MVP: variants seen among roughly 807,000 people sequenced by gnomAD.
MVP encodes the protein major vault protein.
In MVP, 62 loss-of-function variants were observed where a neutral mutation model predicts 83.5. That is an observed-to-expected ratio of 0.74 (90% CI 0.61 to 0.92). MVP has a LOEUF of 0.92. MVP is among the 40% of genes least tolerant of loss of function. The probability of loss-of-function intolerance (pLI) is 0.00; values close to 1 mark genes in which losing one functional copy is unlikely to be tolerated. For synonymous variants in MVP, 505 were observed against 504.1 expected (o/e 1.00, Z -0.02); for missense variants, 1,000 against 1,203.4 (o/e 0.83, Z 2.50).
In MVP at chr16:29,830,965, C is replaced by T; in HGVS notation, c.213C>T (p.Gly71=). ...VANPVSRDAQ[G]LVLFDVTGQV... is the part of the protein sequence containing the mutation. ...ACCCTGTGTCTCGGGATGCCCAGGG[C>T]TTGGTGCTGTTTGATGTCACAGGGC... is the stretch of plus-strand genomic sequence containing the variant. Residue 71 remains glycine (G), a synonymous_variant, in exon 3 of 15, where the codon GGC becomes GGT. Coordinates refer to ENST00000357402, the MANE Select transcript of MVP (RefSeq NM_005115.5). 1 of 1,614,076 alleles carries T rather than the reference C, an allele frequency of 6.2e-7. No individual in the cohort carries two copies. The highest frequency in any genetic ancestry group is 8.5e-7 in the Non-Finnish European group (1 of 1,180,002).
chr16:29,843,562 G>GGGAGGAAGGA (rs2067554261), intron 10 of MVP, among the ~76,000 whole-genome samples: 1 of 49,932 alleles, frequency 2.0e-5, no homozygotes, highest in African/African-American at 1.0e-4. Context: ...GGGAGGGAGG[G>GGGAGGAAGGA]AGGGAGGGAG....
Position 29,846,205 on chromosome 16 carries a change from G to T in MVP, c.2186G>T (p.Arg729Leu). 1 of 1,602,208 alleles carries T rather than the reference G, an allele frequency of 6.2e-7. No homozygotes were observed. Among genetic ancestry groups the T allele is most frequent in the Non-Finnish European group, 8.5e-7 (1 of 1,174,192 alleles). ...TGTAKAEAES[R>L]AEAARIEGEG... is the part of the protein sequence containing the mutation. ...ACTGCCAAGGCGGAGGCCGAGTCCC[G>T]TGCGGAGGCAGCCCGGATTGAGGGA... Residue 729 changes from arginine (R) to leucine (L), a missense_variant, in exon 13 of 15, where the codon CGT (arginine) becomes CTT (leucine). Physicochemically the swap from Arg to Leu is moderately radical, Grantham distance 102. Coordinates refer to ENST00000357402, the MANE Select transcript of MVP (RefSeq NM_005115.5).
chr16:29,838,010 C>T (rs1246347298), intron 7 of MVP, among the ~76,000 whole-genome samples: 1 of 152,106 alleles, frequency 6.6e-6, no homozygotes, highest in East Asian at 1.9e-4. Context: ...CTCCAGGCTC[C>T]GTGAGTCATT....
chr16:29,842,616 A>C (rs2067544560), intron 10 of MVP, among the ~76,000 whole-genome samples: 1 of 152,066 alleles, frequency 6.6e-6, no homozygotes, highest in Non-Finnish European at 1.5e-5. Context: ...ACCCTGTTTC[A>C]AAACAAAAAA....
intron 1 of MVP, among the ~76,000 whole-genome samples, chr16:29,824,425 C>T (rs2067391270): frequency 6.6e-6 from 1 of 152,180 alleles, no homozygotes; most frequent in Middle Eastern, 3.4e-3. Context: ...ACTCTACTCA[C>T]TGCAGACCCC....
intron 3 of MVP, among the ~76,000 whole-genome samples, chr16:29,832,671 G>A (rs910500876): frequency 6.8e-6 from 1 of 146,512 alleles, no homozygotes; most frequent in African/African-American, 2.5e-5. Context: ...ATAGCTCACT[G>A]CAGCCTCAAC....
chr16:29,839,847 A>G (rs2067519151), intron 7 of MVP, among the ~76,000 whole-genome samples: 1 of 151,358 alleles, frequency 6.6e-6, no homozygotes, highest in Admixed American at 6.6e-5. Flanking sequence ...AGAGTTTGTC[A>G]AGCCCTAGGT....
chr16:29,821,077 C>T (rs1364939812), intron 1 of MVP: 1 of 152,210 alleles, frequency 6.6e-6, no homozygotes, highest in Non-Finnish European at 1.5e-5. Flanking sequence ...ATTTAGTGAC[C>T]AAGGTTCTTT....
At position 29,844,551 on chromosome 16, in the gene MVP, C is replaced by G; in HGVS notation, c.1693C>G (p.Pro565Ala). Residue 565 changes from proline to alanine, a missense_variant, in exon 11 of 15, where the codon CCA (proline) becomes GCA (alanine). By Grantham distance (27) the Pro-to-Ala change is conservative (BLOSUM62 -1). Transcript: ENST00000357402. Reference sequence around the variant, plus strand: ...AGAGACGGCCAAGCTCTTTTCAGTGCCAGACTTTGTAGGTGATGCCTGCAA... The same window carrying G: ...AGAGACGGCCAAGCTCTTTTCAGTGGCAGACTTTGTAGGTGATGCCTGCAA... Reference protein sequence around the residue: ...PQETAKLFSVPDFVGDACKAI... With the variant: ...PQETAKLFSVADFVGDACKAI... The G allele has an allele frequency of 6.3e-7, 1 of 1,595,212 alleles. No homozygotes were observed. Among genetic ancestry groups the G allele is most frequent in the South Asian group, 1.1e-5 (1 of 88,098 alleles).
rs1276680874 is a variant in MVP, at chr16:29,833,861, G to A, written c.445+5G>A. The A allele has an allele frequency of 5.5e-5, 88 of 1,613,984 alleles. No individual in the cohort carries two copies. The highest frequency in any genetic ancestry group is 7.5e-5 in the Non-Finnish European group (88 of 1,180,018). On this transcript the variant is annotated splice_donor_5th_base_variant and intron_variant, in intron 4 of 14. Transcript: ENST00000357402. ...AGTGGCTTTTCGAGGGACCTGGTAA[G>A]TTCTGTCTCCATAGGGCTCCCTGCC...
At chr16:29,823,982 TTATCC>T (rs1414510547) in intron 1 of MVP, among the ~76,000 whole-genome samples, 1 of 151,858 alleles carries the variant, frequency 6.6e-6, no homozygotes, top group Non-Finnish European at 1.5e-5. Context: ...ATCACACCTG[TTATCC>T]TAGCCCTTTG....
intron 10 of MVP, 152 bp downstream of exon 10, chr16:29,842,264 C>G (rs2067541981): frequency 3.6e-6 from 3 of 840,072 alleles, no homozygotes; most frequent in Non-Finnish European, 5.4e-6. Flanking sequence ...GAGCAAGACC[C>G]TGTTTCTTTG....
chr16:29,823,864 G>C (rs544870955), intron 1 of MVP, among the ~76,000 whole-genome samples: 10 of 151,312 alleles, frequency 6.6e-5, no homozygotes, highest in Non-Finnish European at 1.5e-4. Flanking sequence ...AAAAATGAGG[G>C]AGAACTTTTT....
At chr16:29,838,361 G>A (rs553017745) in intron 7 of MVP, among the ~76,000 whole-genome samples, 3 of 150,094 alleles carry the variant, frequency 2.0e-5, no homozygotes, top group African/African-American at 4.9e-5. Context: ...GCTTGAACCC[G>A]GGAGGCGGAG....
rs147588242 is a variant in MVP at position 29,846,675 on chromosome 16, T to C, written c.2265+391T>C. On this transcript the variant is annotated intron_variant, in intron 13 of 14. Coordinates refer to ENST00000357402, the MANE Select transcript of MVP (RefSeq NM_005115.5). ...GAGTTCAAGACCAGCTTGGCCAACA[T>C]GGTGAAACCCCATCTCTACTGAAAA... is the stretch of plus-strand genomic sequence containing the variant. Among the ~76,000 whole-genome samples the C allele has an allele frequency of 3.0e-3, 456 of 152,232 alleles. 2 individuals carry two copies. Among genetic ancestry groups the C allele is most frequent in the Non-Finnish European group, 4.0e-3 (270 of 68,006 alleles).
At chr16:29,846,092 A>T in intron 12 of MVP, 66 bp from the exon 13 acceptor site, 2 of 1,602,766 alleles carry the variant, frequency 1.2e-6, no homozygotes, top group South Asian at 2.2e-5. Context: ...CGGCTACAGC[A>T]TAAGCCAAGG....
chr16:29,820,872 A>G (rs1900361153), intron 1 of MVP: 2 of 151,828 alleles, frequency 1.3e-5, no homozygotes, highest in Non-Finnish European at 2.9e-5. Flanking sequence ...TGCTTGCTCT[A>G]CTCACCTGCA....
chr16:29,828,080 C>T lies in MVP; in HGVS notation c.-35-2435C>T, dbSNP rs373294560. On this transcript the variant is annotated intron_variant, in intron 1 of 14. Coordinates refer to ENST00000357402, the MANE Select transcript of MVP (RefSeq NM_005115.5). ...GGTTCAGGCAATTCTCCTGCCTCAGCCTCCCAAATAGCTGGGATTACAGGC... is the reference window on the plus strand; with the variant it reads ...GGTTCAGGCAATTCTCCTGCCTCAGTCTCCCAAATAGCTGGGATTACAGGC... 1.2e-3 allele frequency among the ~76,000 whole-genome samples: 182 copies of T among 152,018 alleles called. 7 individuals carry two copies. The South Asian group carries it at 0.036, about 30-fold the overall frequency.
rs546292456 is a variant in MVP, at chr16:29,841,067, C to T, written c.1192-529C>T. On this transcript the variant is annotated intron_variant, in intron 8 of 14. Coordinates refer to ENST00000357402, the MANE Select transcript of MVP (RefSeq NM_005115.5). This position sits in a 1 kb window ranked among gnomAD's most constrained non-coding sequence, Gnocchi z 4.7. ...CCAGGGAACAGGAAGGACCTCCTCC[C>T]TCATGCCCATATCCCGGTGGAATCT... Among the ~76,000 whole-genome samples, 70 of 152,174 alleles carry T rather than the reference C, an allele frequency of 4.6e-4. No homozygotes were observed. The highest frequency in any genetic ancestry group is 1.4e-3 in the African/African-American group (57 of 41,518).
Sources: gnomAD v4.1 joint callset for allele counts (sites outside exome capture counted in the v4.1 genomes callset) on GRCh38, gnomAD v4.1.1 for gene constraint, Gnocchi (gnomAD v3.1) non-coding constraint, MANE v1.5 for transcripts, NCBI Gene and HGNC (gene_info 2026-07-23, HGNC 2026-07-21) for gene names.